Variants in TKFC observed in about 807,000 individuals in gnomAD.
TKFC encodes triokinase and FMN cyclase, also known as triokinase/FMN cyclase.
In TKFC, 46 loss-of-function variants were observed where a neutral mutation model predicts 61.0. That is an observed-to-expected ratio of 0.75 (90% CI 0.60 to 0.96). The LOEUF (loss-of-function observed/expected upper bound fraction) is 0.96. TKFC is among the 50% of genes least tolerant of loss of function. TKFC has a pLI of 0.00. For missense variants in TKFC, 715 were observed against 777.5 expected (o/e 0.92, Z 0.96); for synonymous variants, 314 against 330.1 (o/e 0.95, Z 0.53).
At chr11:61,350,564 G>A (rs1228640057), downstream of TKFC, 19 of 1,046,300 alleles carry the variant, frequency 1.8e-5, no homozygotes. Context: ...CAAAGTCCCT[G>A]AGCCTGGTAC....
At position 61,342,770 on chromosome 11, in the gene TKFC, T is replaced by C. The variant is rs1164366737; in HGVS notation, c.791T>C (p.Met264Thr). Residue 264 changes from methionine to threonine, a missense_variant, in exon 10 of 18, where the codon ATG (methionine) becomes ACG (threonine). Physicochemically the swap from Met to Thr is moderately conservative, Grantham distance 81 (BLOSUM62 -1). Coordinates refer to ENST00000394900, the MANE Select transcript of TKFC (RefSeq NM_015533.4). ...VPVQPGSSVV[M>T]MVNNLGGLSF... is the part of the protein sequence containing the mutation. ...CTACCCGCAGGCTCCTCAGTTGTGA[T>C]GATGGTCAACAACCTGGGTGGCCTG... The C allele has an allele frequency of 1.2e-6, 2 of 1,613,888 alleles. No individual in the cohort carries two copies. The highest frequency in any genetic ancestry group is 2.7e-5 in the African/African-American group (2 of 74,904).
chr11:61,352,654 C>A, downstream of TKFC: 4 of 430,770 alleles, frequency 9.3e-6, no homozygotes, highest in Non-Finnish European at 1.4e-5. Context: ...GAGTGAGACT[C>A]CATCTCAAAA....
At position 61,343,452 on chromosome 11, in the gene TKFC, CTG is replaced by C; in HGVS notation, c.977_978del (p.Leu326HisfsTer4). ...GCTGGTGGATGAGCCTCTCCTGAAA[CTG>C]ATAGGTGAGACTTGGAACCTGGGGT... ...LLLVDEPLLK[L>X]IDAETTAAAW... On this transcript the variant is annotated frameshift_variant, in exon 11 of 18. Coordinates refer to ENST00000394900, the MANE Select transcript of TKFC (RefSeq NM_015533.4). LOFTEE classifies it high-confidence loss of function. 2.5e-6 allele frequency: 4 copies of C among 1,613,962 alleles called. No homozygotes were observed. Among genetic ancestry groups the C allele is most frequent in the Non-Finnish European group, 2.5e-6 (3 of 1,179,830 alleles).
Position 61,345,273 on chromosome 11 carries a change from G to T in TKFC, c.1254G>T (p.Trp418Cys). 1.9e-6 allele frequency: 3 copies of T among 1,576,830 alleles called. No homozygotes were observed. Among genetic ancestry groups the T allele is most frequent in the Non-Finnish European group, 2.6e-6 (3 of 1,159,388 alleles). Residue 418 changes from tryptophan to cysteine, a missense_variant, in exon 14 of 18, where the codon TGG (tryptophan) becomes TGT (cysteine). Trp to Cys is a radical substitution (Grantham distance 215). Coordinates refer to ENST00000394900, the MANE Select transcript of TKFC (RefSeq NM_015533.4). Reference protein sequence around the residue: ...HSRAARAIQEWLKEGPPPASP... With the variant: ...HSRAARAIQECLKEGPPPASP... ...CTCTGCCTGCAGCAATCCAGGAGTG[G>T]CTGAAGGAGGGCCCACCCCCTGCCA...
rs143016521 is a variant in TKFC at position 61,339,365 on chromosome 11, A to G, written c.416A>G (p.Asp139Gly). The change falls in exon 5 of 18, where the codon GAC (aspartate) becomes GGC (glycine). Residue 139 changes from aspartate to glycine, a missense_variant. Physicochemically the swap from Asp to Gly is moderately conservative, Grantham distance 94 (BLOSUM62 -1). Transcript: ENST00000394900. ...GIPVEMVVIG[D>G]DSAFTVLKKA... ...CCGGTGGAGATGGTGGTGATTGGGG[A>G]CGACAGCGCCTTCACTGTCCTGAAG... The G allele has an allele frequency of 5.0e-6, 8 of 1,613,528 alleles. No homozygotes were observed. The highest frequency in any genetic ancestry group is 6.8e-6 in the Non-Finnish European group (8 of 1,179,984).
Position 61,339,079 on chromosome 11 carries a change from G to T in TKFC, c.207G>T (p.Lys69Asn). 6.2e-7 allele frequency: 1 copy of T among 1,613,014 alleles called. No homozygotes were observed. Among genetic ancestry groups the T allele is most frequent in the Non-Finnish European group, 8.5e-7 (1 of 1,179,608 alleles). ...HEPAHAGFIG[K>N]GMLTGVIAGA... ...TTCCACCTCCAGGTTTCATAGGGAA[G>T]GGGATGCTGACTGGGGTCATCGCGG... The change falls in exon 4 of 18, where the codon AAG (lysine) becomes AAT (asparagine). Residue 69 changes from lysine to asparagine, a missense_variant. Physicochemically the swap from Lys to Asn is moderately conservative, Grantham distance 94 (BLOSUM62 0). Transcript: ENST00000394900.
chr11:61,339,264 C>G lies in TKFC; in HGVS notation c.315C>G (p.Leu105=). The change falls in exon 5 of 18, where the codon CTC becomes CTG. Residue 105 remains leucine, a synonymous_variant. Coordinates refer to ENST00000394900, the MANE Select transcript of TKFC (RefSeq NM_015533.4). ...CGGCTGCTCCCGCAGTGGGGACGCT[C>G]CTTATCGTGAAGAACTACACTGGGG... is the stretch of plus-strand genomic sequence containing the variant. ...AVAQAGTVGT[L]LIVKNYTGDR... 6.2e-7 allele frequency: 1 copy of G among 1,613,324 alleles called. No individual in the cohort carries two copies. Among genetic ancestry groups the G allele is most frequent in the East Asian group, 2.2e-5 (1 of 44,872 alleles).
Position 61,344,249 on chromosome 11 carries a change from A to G in TKFC, c.1216A>G (p.Thr406Ala), listed in dbSNP as rs1857008625. ...GGCTGCTGGTGACGGCGACTGTGGCACCACCCACAGCCGTGCGGCCAGAGG... is the reference window on the plus strand; with the variant it reads ...GGCTGCTGGTGACGGCGACTGTGGCGCCACCCACAGCCGTGCGGCCAGAGG... ...DRAAGDGDCGTTHSRAARAIQ... is the reference protein window; with the variant it reads ...DRAAGDGDCGATHSRAARAIQ... The change falls in exon 13 of 18, where the codon ACC (threonine) becomes GCC (alanine). Residue 406 changes from threonine to alanine, a missense_variant. Coordinates refer to ENST00000394900, the MANE Select transcript of TKFC (RefSeq NM_015533.4). 1 of 1,612,542 alleles carries G rather than the reference A, an allele frequency of 6.2e-7. No individual in the cohort carries two copies. Among genetic ancestry groups the G allele is most frequent in the Non-Finnish European group, 8.5e-7 (1 of 1,179,970 alleles).
chr11:61,338,256 C>A, intron 3 of TKFC, 126 bp downstream of exon 3: 1 of 876,028 alleles, frequency 1.1e-6, no homozygotes, highest in Non-Finnish European at 1.6e-6. Context: ...GTACTTCCCA[C>A]TCTCCCACTC....
intron 10 of TKFC, 158 bp from the exon 11 acceptor site, chr11:61,343,184 G>A: frequency 1.4e-6 from 1 of 692,634 alleles, no homozygotes; most frequent in Non-Finnish European, 2.5e-6. Flanking sequence ...AGGGAACGTG[G>A]TCATTTGTGG....
downstream of TKFC, chr11:61,350,955 C>G: frequency 2.5e-6 from 4 of 1,594,888 alleles, no homozygotes; most frequent in South Asian, 3.4e-5. Context: ...AGACCTGGCC[C>G]TGTCCCACCC....
chr11:61,337,477 G>A (rs1287453617), intron 2 of TKFC, among the ~76,000 whole-genome samples: 2 of 152,182 alleles, frequency 1.3e-5, no homozygotes, highest in African/African-American at 4.8e-5. Flanking sequence ...CTAGTGCTGG[G>A]CCTGGCATAC....
intron 2 of TKFC, chr11:61,335,395 G>A (rs1292596836): frequency 6.5e-6 from 1 of 152,992 alleles, no homozygotes; most frequent in Non-Finnish European, 1.5e-5. Flanking sequence ...TCAGGCCACT[G>A]AAACCAGGGA....
chr11:61,334,054 C>G (rs1327707737), intron 1 of TKFC: 2 of 152,472 alleles, frequency 1.3e-5, no homozygotes, highest in Non-Finnish European at 2.9e-5. Context: ...TACATCTTGC[C>G]TTTCCCATAG....
intron 5 of TKFC, among the ~76,000 whole-genome samples, chr11:61,340,006 T>TTTTA (rs983193077): frequency 6.6e-6 from 1 of 151,782 alleles, no homozygotes; most frequent in Non-Finnish European, 1.5e-5. Flanking sequence ...TTTATTTATT[T>TTTTA]TTTATTTATT....
downstream of TKFC, chr11:61,352,914 C>G (rs754045837): frequency 1.9e-6 from 3 of 1,612,136 alleles, no homozygotes; most frequent in South Asian, 2.2e-5. Context: ...GTCCTGTGAT[C>G]ACAGGGTGTA....
In TKFC at chr11:61,345,291, C is replaced by T. The variant is rs1403875562; in HGVS notation, c.1272C>T (p.Pro424=). The stretch of plus-strand genomic sequence containing the variant: ...AGGAGTGGCTGAAGGAGGGCCCACC[C>T]CCTGCCAGCCCTGCCCAGCTGCTCT... The part of the protein sequence containing the change: ...AIQEWLKEGP[P]PASPAQLLSK... Residue 424 remains proline (P), a synonymous_variant, in exon 14 of 18, where the codon CCC becomes CCT. Coordinates refer to ENST00000394900, the MANE Select transcript of TKFC (RefSeq NM_015533.4). The T allele has an allele frequency of 3.8e-6, 6 of 1,594,726 alleles. No individual in the cohort carries two copies. In the African/African-American group the frequency reaches 5.3e-5, roughly 14 times the overall value.
chr11:61,334,715 A>G lies in TKFC; in HGVS notation c.-14A>G. 1 of 1,614,096 alleles carries G rather than the reference A, an allele frequency of 6.2e-7. No individual in the cohort carries two copies. The highest frequency in any genetic ancestry group is 8.5e-7 in the Non-Finnish European group (1 of 1,179,992). ...CAACGGTGTGAACTCAGCCTGTTTC[A>G]GAGCCTCCACACCATGGTGAGTCAT... On this transcript the variant is annotated 5_prime_UTR_variant, in exon 2 of 18. Coordinates refer to ENST00000394900, the MANE Select transcript of TKFC (RefSeq NM_015533.4).
In TKFC at chr11:61,347,226, C is replaced by G. The variant is rs1292503543; in HGVS notation, c.*723C>G. On this transcript the variant is annotated 3_prime_UTR_variant, in exon 18 of 18. Transcript: ENST00000394900. ...CAGAAGGAAAAGAAATCATCATAGT[C>G]TAAGGTTCAGTTGTAGATCAAAAAA... 3.0e-6 allele frequency: 3 copies of G among 985,306 alleles called. No homozygotes were observed. Among genetic ancestry groups the G allele is most frequent in the Non-Finnish European group, 2.4e-6 (2 of 829,944 alleles). 61.0% of individuals were successfully genotyped at this position (985,306 alleles called of 1,614,324 possible).
Sources: allele counts gnomAD v4.1 joint callset (sites outside exome capture counted in the v4.1 genomes callset), GRCh38; gene constraint gnomAD v4.1.1; transcripts MANE v1.5; gene names NCBI Gene and HGNC (gene_info 2026-07-23, HGNC 2026-07-21).